Variants in CORT observed in about 807,000 individuals in gnomAD.
CORT encodes cortistatin.
In CORT, 2 loss-of-function variants were observed where a neutral mutation model predicts 4.4. The observed-to-expected ratio is 0.46, with a 90% confidence interval of 0.19 to 1.44. CORT has a LOEUF of 1.44. CORT is among the 40% of genes most tolerant of loss of function. CORT has a pLI of 0.26. For synonymous variants in CORT, 72 were observed against 62.0 expected, an observed-to-expected ratio of 1.16 and a Z score of -0.75; for missense variants, 158 against 140.2, an observed-to-expected ratio of 1.13 and a Z score of -0.64.
Position 10,450,038 on chromosome 1 carries a change from C to T in CORT, c.-186C>T, listed in dbSNP as rs372771717. 12 of 1,487,616 alleles carry T rather than the reference C, an allele frequency of 8.1e-6. No homozygotes were observed. The highest frequency in any genetic ancestry group is 2.8e-5 in the South Asian group (2 of 71,868). The allele number at this position is 1,487,616 out of a possible 1,614,324, so 92.2% of individuals were successfully genotyped here. Reference sequence around the variant, plus strand: ...GATTGCTCCAGCTTCTGCGTCACTGCGCGAGGGAAGAGGGAAGAGGATCCA... The same window carrying T: ...GATTGCTCCAGCTTCTGCGTCACTGTGCGAGGGAAGAGGGAAGAGGATCCA... On this transcript the variant is annotated 5_prime_UTR_variant, in exon 1 of 2. Coordinates refer to ENST00000377049, the MANE Select transcript of CORT (RefSeq NM_001302.5).
chr1:10,451,668 T>C lies in CORT; in HGVS notation c.*73T>C, dbSNP rs1332505710. The C allele has an allele frequency of 6.8e-7, 1 of 1,477,636 alleles. No homozygotes were observed. Among genetic ancestry groups the C allele is most frequent in the Non-Finnish European group, 9.0e-7 (1 of 1,110,098 alleles). The allele number at this position is 1,477,636 out of a possible 1,614,324, so 91.5% of individuals were successfully genotyped here. ...AAATGTATTAAGCAGCAGTGATCTT[T>C]CCTCTCCTCCTTCCCAAGTCATTTG... On this transcript the variant is annotated 3_prime_UTR_variant, in exon 2 of 2. Coordinates refer to ENST00000377049, the MANE Select transcript of CORT (RefSeq NM_001302.5).
chr1:10,450,457 G>C (rs1337143033), intron 1 of CORT, 135 bp downstream of exon 1: 2 of 1,029,934 alleles, frequency 1.9e-6, no homozygotes, highest in Non-Finnish European at 2.5e-6. Flanking sequence ...CAACTTTGTA[G>C]TGTTCTTGGC....
rs1368945400 is a variant in CORT, at chr1:10,450,091, C to T, written c.-133C>T. ...CGTTAGACATGTATAGACACAAAAA[C>T]AGCTGGAGATTGGGCTTAAAATACC... On this transcript the variant is annotated 5_prime_UTR_variant, in exon 1 of 2. Coordinates refer to ENST00000377049, the MANE Select transcript of CORT (RefSeq NM_001302.5). 2 of 1,601,276 alleles carry T rather than the reference C, an allele frequency of 1.2e-6. No homozygotes were observed. The highest frequency in any genetic ancestry group is 3.4e-5 in the Admixed American group (2 of 58,200).
rs774690087 is a variant in CORT, at chr1:10,451,598, C to T, written c.*3C>T. On this transcript the variant is annotated 3_prime_UTR_variant, in exon 2 of 2. Transcript: ENST00000377049. ...AGACCTTCTCCTCCTGCAAATAAAA[C>T]CTCACCCATGAATGCTCACGCAAGT... 1.9e-6 allele frequency: 3 copies of T among 1,610,222 alleles called. No homozygotes were observed. The highest frequency in any genetic ancestry group is 2.5e-6 in the Non-Finnish European group (3 of 1,178,684).
In CORT at chr1:10,450,157, G is replaced by T; in HGVS notation, c.-67G>T. ...AAGAGACCCAAGTCCCCAAAACATT[G>T]ATTTCAGGGCTGCCAGGAAGGAAGA... On this transcript the variant is annotated 5_prime_UTR_variant, in exon 1 of 2. Transcript: ENST00000377049. 1 of 1,610,516 alleles carries T rather than the reference G, an allele frequency of 6.2e-7. No homozygotes were observed. Among genetic ancestry groups the T allele is most frequent in the South Asian group, 1.1e-5 (1 of 89,894 alleles).
Position 10,451,569 on chromosome 1 carries a change from TG to T in CORT, c.294del (p.Trp98Ter), listed in dbSNP as rs748612792. 6.2e-7 allele frequency: 1 copy of T among 1,613,316 alleles called. No individual in the cohort carries two copies. Among genetic ancestry groups the T allele is most frequent in the Non-Finnish European group, 8.5e-7 (1 of 1,179,780 alleles). Reference sequence around the variant, plus strand: ...CAGAATGCCCTGCAGGAACTTCTTCTGGAAGACCTTCTCCTCCTGCAAATAA... The same window carrying T: ...CAGAATGCCCTGCAGGAACTTCTTCTGAAGACCTTCTCCTCCTGCAAATAA... Reference protein sequence around the residue: ...RDRMPCRNFFWKTFSSCK With the variant: ...RDRMPCRNFFXKTFSSCK On this transcript the variant is annotated frameshift_variant, in exon 2 of 2. Transcript: ENST00000377049. LOFTEE classifies it high-confidence loss of function.
rs767385934 is a variant in CORT, at chr1:10,451,474, T to A, written c.197T>A (p.Ile66Lys). 7 of 1,614,112 alleles carry A rather than the reference T, an allele frequency of 4.3e-6. No homozygotes were observed. The South Asian group carries it at 4.4e-5, about 10-fold the overall frequency. ...WTSQASAGPL[I>K]GEEAREVARR... Reference sequence around the variant, plus strand: ...TCCCAGGCCAGTGCCGGGCCCCTCATAGGAGAGGAAGCCCGGGAGGTGGCC... The same window carrying A: ...TCCCAGGCCAGTGCCGGGCCCCTCAAAGGAGAGGAAGCCCGGGAGGTGGCC... Residue 66 changes from isoleucine to lysine, a missense_variant, in exon 2 of 2, where the codon ATA (isoleucine) becomes AAA (lysine). Ile to Lys is a moderately radical substitution (Grantham distance 102). Coordinates refer to ENST00000377049, the MANE Select transcript of CORT (RefSeq NM_001302.5).
At position 10,451,828 on chromosome 1, in the gene CORT, T is replaced by C; in HGVS notation, c.*233T>C. The C allele has an allele frequency of 2.0e-6, 1 of 501,902 alleles. No individual in the cohort carries two copies. The highest frequency in any genetic ancestry group is 3.9e-5 in the East Asian group (1 of 25,350). The allele number at this position is 501,902 out of a possible 1,614,324, so 31.1% of individuals were successfully genotyped here. On this transcript the variant is annotated 3_prime_UTR_variant, in exon 2 of 2. Coordinates refer to ENST00000377049, the MANE Select transcript of CORT (RefSeq NM_001302.5). ...ACTGTGCTGAGTGCGGGCACTGGGC[T>C]TTTCTTCTGATGTTCATTATGGTGC... is the stretch of plus-strand genomic sequence containing the variant.
rs531383794 is a variant in CORT, at chr1:10,450,582, T to C, written c.99+260T>C. Among the ~76,000 whole-genome samples, 243 of 152,222 alleles carry C rather than the reference T, an allele frequency of 1.6e-3. 2 individuals are homozygous for C. Among genetic ancestry groups the C allele is most frequent in the African/African-American group, 5.6e-3 (234 of 41,544 alleles). On this transcript the variant is annotated intron_variant, in intron 1 of 1. Transcript: ENST00000377049. ...CAAGGAGGGCCCTCCGTCGGGTGTC[T>C]GGGAAAGGGGAAGCGAGTGTACCCG...
rs747977320 is a variant in CORT at position 10,450,145 on chromosome 1, C to T, written c.-79C>T. 2 of 1,610,292 alleles carry T rather than the reference C, an allele frequency of 1.2e-6. No individual in the cohort carries two copies. The highest frequency in any genetic ancestry group is 8.5e-7 in the Non-Finnish European group (1 of 1,178,618). Reference sequence around the variant, plus strand: ...CAAGCTCCAAAGAAGAGACCCAAGTCCCCAAAACATTGATTTCAGGGCTGC... The same window carrying T: ...CAAGCTCCAAAGAAGAGACCCAAGTTCCCAAAACATTGATTTCAGGGCTGC... On this transcript the variant is annotated 5_prime_UTR_variant, in exon 1 of 2. Transcript: ENST00000377049.
At chr1:10,451,266 T>C in intron 1 of CORT, 111 bp from the exon 2 acceptor site, 2 of 1,326,846 alleles carry the variant, frequency 1.5e-6, no homozygotes, top group Non-Finnish European at 2.0e-6. Context: ...GGGTAGTCTT[T>C]TAGATCATTT....
chr1:10,451,299 T>C (rs1570089154), intron 1 of CORT, 78 bp from the exon 2 acceptor site: 2 of 1,439,402 alleles, frequency 1.4e-6, no homozygotes, highest in Non-Finnish European at 1.8e-6. Context: ...AAGGAGGAGA[T>C]TGCATATCTT....
chr1:10,450,705 A>G (rs1252078514), intron 1 of CORT, among the ~76,000 whole-genome samples: 2 of 152,208 alleles, frequency 1.3e-5, no homozygotes, highest in African/African-American at 4.8e-5. Context: ...TGGCATCATT[A>G]CATTTTCCGT....
chr1:10,450,205 G>C lies in CORT; in HGVS notation c.-19G>C, dbSNP rs1256355335. ...AGAGCAGCAGCAGGGTGGGAGAGAA[G>C]CTCCAGTCAGCCCACAAGATGCCAT... is the stretch of plus-strand genomic sequence containing the variant. On this transcript the variant is annotated 5_prime_UTR_variant, in exon 1 of 2. Transcript: ENST00000377049. 1 of 1,610,794 alleles carries C rather than the reference G, an allele frequency of 6.2e-7. No homozygotes were observed. Among genetic ancestry groups the C allele is most frequent in the Admixed American group, 1.7e-5 (1 of 59,390 alleles).
chr1:10,450,422 C>T, intron 1 of CORT, 100 bp downstream of exon 1: 1 of 1,245,952 alleles, frequency 8.0e-7, no homozygotes. Context: ...TGTTGCACTT[C>T]ACAGCTTGGA....
At position 10,450,524 on chromosome 1, in the gene CORT, A is replaced by T. The variant is rs376785143; in HGVS notation, c.99+202A>T. 2.6e-5 allele frequency among the ~76,000 whole-genome samples: 4 copies of T among 152,144 alleles called. No homozygotes were observed. The East Asian group carries it at 7.7e-4, about 29-fold the overall frequency. ...CCACTGATCCTCAGTTACATGTCCC[A>T]ACCCATGAAGCCTGCTGGAAACCTG... On this transcript the variant is annotated intron_variant, in intron 1 of 1. Coordinates refer to ENST00000377049, the MANE Select transcript of CORT (RefSeq NM_001302.5).
Position 10,451,006 on chromosome 1 carries a change from C to T in CORT, c.100-371C>T, listed in dbSNP as rs539320441. ...TGAGTAAATTAGCCTGATCCAACTC[C>T]GGGCTTCTCAGCTGCCAGTCACTGA... On this transcript the variant is annotated intron_variant, in intron 1 of 1. Transcript: ENST00000377049. Among the ~76,000 whole-genome samples, 4 of 152,258 alleles carry T rather than the reference C, an allele frequency of 2.6e-5. No individual in the cohort carries two copies. The South Asian group carries it at 6.2e-4, about 24-fold the overall frequency.
rs751279638 is a variant in CORT at position 10,450,244 on chromosome 1, CCTGCTG to C, written c.30_35del (p.Leu11_Leu12del). 1 of 1,581,014 alleles carries C rather than the reference CCTGCTG, an allele frequency of 6.3e-7. No homozygotes were observed. Among genetic ancestry groups the C allele is most frequent in the Non-Finnish European group, 8.6e-7 (1 of 1,163,644 alleles). On this transcript the variant is annotated inframe_deletion, in exon 1 of 2. Coordinates refer to ENST00000377049, the MANE Select transcript of CORT (RefSeq NM_001302.5). ...ACAAGATGCCATTGTCCCCCGGCCT[CCTGCTG>C]CTGCTGCTCTCCGGGGCCACGGCCA...
At chr1:10,450,980 A>AT (rs1640766918) in intron 1 of CORT, among the ~76,000 whole-genome samples, 1 of 152,144 alleles carries the variant, frequency 6.6e-6, no homozygotes, top group Non-Finnish European at 1.5e-5. Flanking sequence ...AGGTGGGAGA[A>AT]TGAGTAAATT....
Sources: gnomAD v4.1 joint callset for allele counts (sites outside exome capture counted in the v4.1 genomes callset) on GRCh38, gnomAD v4.1.1 for gene constraint, MANE v1.5 for transcripts, NCBI Gene and HGNC (gene_info 2026-07-23, HGNC 2026-07-21) for gene names.